The following LY6H variants were observed in gnomAD, a reference collection of about 807,000 sequenced individuals.
The protein encoded by LY6H is lymphocyte antigen 6H.
A neutral mutation model predicts 14.6 loss-of-function variants in LY6H; 8 were observed. The observed-to-expected ratio is 0.55, with a 90% CI of 0.32 to 0.99. The LOEUF (loss-of-function observed/expected upper bound fraction) is 0.99. Ranked by LOEUF, LY6H falls within the 50% of genes least tolerant of loss-of-function variation. The pLI is 0.04. For missense variants in LY6H, 196 were observed against 219.6 expected (o/e 0.89, Z 0.68); for synonymous variants, 115 against 97.2 (o/e 1.18, Z -1.08).
chr8:143,159,886 G>C, intron 1 of LY6H, 177 bp from the exon 2 acceptor site: 2 of 1,141,838 alleles, frequency 1.8e-6, no homozygotes, highest in Non-Finnish European at 2.2e-6. Flanking sequence ...GAGACGTCTG[G>C]CCTCTGGGGC....
At position 143,158,476 on chromosome 8, in the gene LY6H, T is replaced by C. The variant is rs781660309; in HGVS notation, c.260A>G (p.Asp87Gly). The change falls in exon 4 of 4, where the codon GAT (aspartate) becomes GGT (glycine). Residue 87 changes from aspartate (D) to glycine (G), a missense_variant. Physicochemically the swap from Asp to Gly is moderately conservative, Grantham distance 94. Transcript: ENST00000342752. The part of the protein sequence containing the change: ...RITDPSSSRK[D>G]HSVNKMCASS... ...GGCACACATCTTGTTCACCGAGTGA[T>C]CCTTCCTGCCTGGGAAGAGAAAGCG... 1 of 1,612,844 alleles carries C rather than the reference T, an allele frequency of 6.2e-7. No homozygotes were observed. Among genetic ancestry groups the C allele is most frequent in the Non-Finnish European group, 8.5e-7 (1 of 1,179,030 alleles).
At chr8:143,159,429 G>T in intron 2 of LY6H, 153 bp downstream of exon 2, 1 of 858,582 alleles carries the variant, frequency 1.2e-6, no homozygotes, top group Non-Finnish European at 1.7e-6. Context: ...GGGGCCGAGG[G>T]CCGGGCTGGG....
chr8:143,159,420 G>A (rs1815537928), intron 2 of LY6H, 162 bp downstream of exon 2: 2 of 775,888 alleles, frequency 2.6e-6, no homozygotes, highest in African/African-American at 3.7e-5. Flanking sequence ...CGGGGCAGAG[G>A]GGCCGAGGGC....
intron 2 of LY6H, chr8:143,159,306 C>T (rs114171484): frequency 1.8e-6 from 1 of 541,876 alleles, no homozygotes; most frequent in South Asian, 2.5e-5. Flanking sequence ...GAAAGGAGGC[C>T]CGGGAGGCTC....
intron 3 of LY6H, 66 bp downstream of exon 3, chr8:143,158,735 GAC>G (rs1815514439): frequency 6.5e-6 from 10 of 1,529,720 alleles, no homozygotes; most frequent in Non-Finnish European, 5.3e-6. Context: ...GGGCTCCGAG[GAC>G]ACCTCTGACC....
At position 143,159,704 on chromosome 8, in the gene LY6H, G is replaced by T; in HGVS notation, c.8C>A (p.Ala3Glu). 7.3e-7 allele frequency: 1 copy of T among 1,376,080 alleles called. No individual in the cohort carries two copies. Among genetic ancestry groups the T allele is most frequent in the Middle Eastern group, 2.6e-4 (1 of 3,784 alleles). 85.2% of individuals were successfully genotyped at this position (1,376,080 alleles called of 1,614,324 possible). ML[A>E]PQRTRAPSPR... is the part of the protein sequence containing the mutation. Reference sequence around the variant, plus strand: ...GCTTGGGGCGCGGGTCCTCTGGGGCGCAAGCCTGGAGGGGAGAAGCATCGG... The same window carrying T: ...GCTTGGGGCGCGGGTCCTCTGGGGCTCAAGCCTGGAGGGGAGAAGCATCGG... The change falls in exon 2 of 4, where the codon GCG becomes GAG. Residue 3 changes from alanine to glutamate, a missense_variant. By Grantham distance (107) the Ala-to-Glu change is moderately radical. Coordinates refer to ENST00000342752, the MANE Select transcript of LY6H (RefSeq NM_001135655.2).
chr8:143,159,327 C>G, intron 2 of LY6H: 1 of 542,588 alleles, frequency 1.8e-6, no homozygotes, highest in Non-Finnish European at 3.2e-6. Context: ...TCAGAGGTGA[C>G]GGATGACCAA....
chr8:143,158,209 C>A lies in LY6H; in HGVS notation c.*41G>T, dbSNP rs1449919638. 2.7e-6 allele frequency: 4 copies of A among 1,472,668 alleles called. No individual in the cohort carries two copies. The highest frequency in any genetic ancestry group is 3.7e-6 in the Non-Finnish European group (4 of 1,071,844). The allele number at this position is 1,472,668 out of a possible 1,614,324, so 91.2% of individuals were successfully genotyped here. On this transcript the variant is annotated 3_prime_UTR_variant, in exon 4 of 4. Transcript: ENST00000342752. ...GCTGGGGAGAGGGCAGCCACAGGCTCAGGGGAGCAAGCTCAGAAGCCCCGT... is the reference window on the plus strand; with the variant it reads ...GCTGGGGAGAGGGCAGCCACAGGCTAAGGGGAGCAAGCTCAGAAGCCCCGT...
chr8:143,160,023 C>T, intron 1 of LY6H, 175 bp downstream of exon 1: 1 of 1,111,308 alleles, frequency 9.0e-7, no homozygotes, highest in Non-Finnish European at 1.1e-6. Context: ...GGGGCGGGAG[C>T]GGGTGGGACC....
Position 143,159,306 on chromosome 8 carries a change from C to A in LY6H, c.130+276G>T, listed in dbSNP as rs114171484. On this transcript the variant is annotated intron_variant, in intron 2 of 3. Coordinates refer to ENST00000342752, the MANE Select transcript of LY6H (RefSeq NM_001135655.2). ...GACCAAACTGGATTTGAAAGGAGGC[C>A]CGGGAGGCTCTCAGAGGTGACGGAT... 764 of 541,874 alleles carry A rather than the reference C, an allele frequency of 1.4e-3. 2 individuals carry two copies. Among genetic ancestry groups the A allele is most frequent in the African/African-American group, 0.014 (718 of 51,892 alleles). 33.6% of individuals were successfully genotyped at this position (541,874 alleles called of 1,614,324 possible). A position where few individuals can be genotyped will look rare whatever the true frequency, so the allele number is the denominator to read the frequency against.
rs1202880754 is a variant in LY6H at position 143,160,149 on chromosome 8, C to G, written c.2+49G>C. The G allele has an allele frequency of 4.7e-6, 6 of 1,264,750 alleles. No homozygotes were observed. The African/African-American group carries it at 7.6e-5, about 16-fold the overall frequency. The allele number at this position is 1,264,750 out of a possible 1,614,324, so 78.3% of individuals were successfully genotyped here. ...CTTCCGCGCGCGCCTCGGCGCTCACCGCGGATGGGGCGTGGAGCGCGGGCC... is the reference window on the plus strand; with the variant it reads ...CTTCCGCGCGCGCCTCGGCGCTCACGGCGGATGGGGCGTGGAGCGCGGGCC... On this transcript the variant is annotated intron_variant, in intron 1 of 3. Transcript: ENST00000342752.
At chr8:143,159,777 C>T (rs1815552342) in intron 1 of LY6H, 68 bp from the exon 2 acceptor site, 2 of 1,305,314 alleles carry the variant, frequency 1.5e-6, no homozygotes, top group Admixed American at 4.1e-5. Context: ...AGGATGCAAC[C>T]TTCTCCCCGG....
At position 143,158,158 on chromosome 8, in the gene LY6H, G is replaced by T; in HGVS notation, c.*92C>A. ...GCCACAGCCACGGAGCTGGGCCAAG[G>T]CTGCCCCCAGCCCCAGCCACGCCAG... is the stretch of plus-strand genomic sequence containing the variant. On this transcript the variant is annotated 3_prime_UTR_variant, in exon 4 of 4. Transcript: ENST00000342752. 1.1e-6 allele frequency: 1 copy of T among 872,458 alleles called. No individual in the cohort carries two copies. The highest frequency in any genetic ancestry group is 1.7e-6 in the Non-Finnish European group (1 of 571,526). 54.0% of individuals were successfully genotyped at this position (872,458 alleles called of 1,614,324 possible).
At chr8:143,160,043 G>C (rs1815560833) in intron 1 of LY6H, 155 bp downstream of exon 1, 1 of 1,004,276 alleles carries the variant, frequency 1.0e-6, no homozygotes. Context: ...CTGCCACTGG[G>C]GGGAGGGGCG....
rs201136252 is a variant in LY6H, at chr8:143,158,373, G to A, written c.363C>T (p.Val121=). The part of the protein sequence containing the change: ...MGFINSGILK[V]DVDCCEKDLC... ...AATCCTTCTCGCAGCAGTCCACGTC[G>A]ACCTTTAAGATCCCAGAGTTAATAA... is the stretch of plus-strand genomic sequence containing the variant. Residue 121 remains valine, a synonymous_variant, in exon 4 of 4, where the codon GTC becomes GTT. Transcript: ENST00000342752. The A allele has an allele frequency of 2.2e-5, 36 of 1,613,884 alleles. No homozygotes were observed. Among genetic ancestry groups the A allele is most frequent in the South Asian group, 1.8e-4 (16 of 91,080 alleles).
At chr8:143,159,031 G>A (rs1281665020) in intron 2 of LY6H, 109 bp from the exon 3 acceptor site, 6 of 1,445,962 alleles carry the variant, frequency 4.1e-6, no homozygotes, top group African/African-American at 2.8e-5. Context: ...GGGAGAGCCC[G>A]ACCCCACGGG....
chr8:143,159,156 G>C, intron 2 of LY6H: 1 of 618,102 alleles, frequency 1.6e-6, no homozygotes, highest in South Asian at 1.9e-5. Flanking sequence ...CCATGCACGT[G>C]CGTGCACACA....
At position 143,158,243 on chromosome 8, in the gene LY6H, G is replaced by A. The variant is rs7007949; in HGVS notation, c.*7C>T. The A allele has an allele frequency of 0.43, 682,986 of 1,594,470 alleles. 150,641 individuals are homozygous for A. Among genetic ancestry groups the A allele is most frequent in the African/African-American group, 0.64 (47,372 of 74,272 alleles). On this transcript the variant is annotated 3_prime_UTR_variant, in exon 4 of 4. Coordinates refer to ENST00000342752, the MANE Select transcript of LY6H (RefSeq NM_001135655.2). Reference sequence around the variant, plus strand: ...AAGCTCAGAAGCCCCGTGGGAAGGAGGAGACATCAGGGCCCAGCCCAGAGG... The same window carrying A: ...AAGCTCAGAAGCCCCGTGGGAAGGAAGAGACATCAGGGCCCAGCCCAGAGG...
intron 2 of LY6H, chr8:143,159,261 G>A (rs1815533280): frequency 7.3e-6 from 4 of 548,622 alleles, no homozygotes; most frequent in Non-Finnish European, 1.3e-5. Flanking sequence ...CCAGAGGTCC[G>A]TGGGTTCCAA....
Sources: allele counts gnomAD v4.1 joint callset, GRCh38; gene constraint gnomAD v4.1.1; transcripts MANE v1.5; gene names NCBI Gene and HGNC (gene_info 2026-07-23, HGNC 2026-07-21).